The following NDUFS5 variants were observed in gnomAD, a reference collection of about 807,000 sequenced individuals.
NDUFS5 encodes the protein NADH:ubiquinone oxidoreductase subunit S5.
In NDUFS5, 7 loss-of-function variants were observed where a neutral mutation model predicts 10.5. That is an observed-to-expected ratio of 0.66 (90% CI 0.38 to 1.25). The LOEUF (loss-of-function observed/expected upper bound fraction) is 1.25, where lower values mean the gene tolerates loss of function less well. Among genes scored for constraint, NDUFS5 ranks in the 50% most tolerant of loss-of-function variants. The pLI, the probability that NDUFS5 is intolerant of heterozygous loss-of-function variation, is 0.02. For missense variants in NDUFS5, 148 were observed against 140.7 expected (o/e 1.05, Z -0.26); for synonymous variants, 38 against 44.0 (o/e 0.86, Z 0.54).
At chr1:39,029,491 C>T (rs1208582846) in intron 2 of NDUFS5, among the ~76,000 whole-genome samples, 1 of 152,158 alleles carries the variant, frequency 6.6e-6, no homozygotes, top group Non-Finnish European at 1.5e-5. Flanking sequence ...TAGTATTTTA[C>T]CCTGCTTTAG....
intron 2 of NDUFS5, among the ~76,000 whole-genome samples, chr1:39,033,521 T>C (rs759702015): frequency 4.2e-5 from 6 of 142,790 alleles, no homozygotes; most frequent in Non-Finnish European, 9.2e-5. Context: ...TGCAGTGAGC[T>C]GAGATCGTGC....
chr1:39,028,883 GAA>G lies in NDUFS5; in HGVS notation c.161_162del (p.Lys54ArgfsTer7). On this transcript the variant is annotated frameshift_variant, in exon 2 of 3. Transcript: ENST00000372969. LOFTEE classifies it high-confidence loss of function. ...ATGGAATCGGTTATACTCGGGCAGA[GAA>G]AGAGTGCAAGATAGAATATGATGAT... Reference protein sequence around the residue: ...AHGIGYTRAEKECKIEYDDFV... With the variant: ...AHGIGYTRAEXECKIEYDDFV... 1 of 1,614,048 alleles carries G rather than the reference GAA, an allele frequency of 6.2e-7. No individual in the cohort carries two copies. The highest frequency in any genetic ancestry group is 2.2e-5 in the East Asian group (1 of 44,878).
intron 2 of NDUFS5, among the ~76,000 whole-genome samples, chr1:39,029,536 C>T (rs898395074): frequency 6.6e-6 from 1 of 152,130 alleles, no homozygotes; most frequent in Non-Finnish European, 1.5e-5. Context: ...TGTGTATACC[C>T]ATTTTTTCAG....
intron 2 of NDUFS5, 147 bp downstream of exon 2, chr1:39,029,087 G>C (rs564531918): frequency 6.8e-5 from 49 of 716,172 alleles, no homozygotes; most frequent in South Asian, 6.4e-4. Flanking sequence ...CTGCCTCCCA[G>C]GTTCAGGCGA....
At chr1:39,027,177 TCTC>T (rs1644154798) in intron 1 of NDUFS5, among the ~76,000 whole-genome samples, 1 of 152,086 alleles carries the variant, frequency 6.6e-6, no homozygotes, top group Non-Finnish European at 1.5e-5. Context: ...TTCAAGCGAT[TCTC>T]CTCCCTGAGA....
chr1:39,033,624 C>G (rs1557653027), intron 2 of NDUFS5, among the ~76,000 whole-genome samples: 2 of 149,342 alleles, frequency 1.3e-5, no homozygotes, highest in Non-Finnish European at 3.0e-5. Flanking sequence ...GCCTCAGCCT[C>G]CTGAGTAGCT....
rs886647493 is a variant in NDUFS5, at chr1:39,034,477, A to G, written c.302A>G (p.Lys101Arg). ...ACCCCTCCACCTCACCACATTGGCA[A>G]GGGGGAGCCTCGGCCCTGAACAGAG... ...KYTPPPHHIG[K>R]GEPRP The change falls in exon 3 of 3, where the codon AAG becomes AGG. Residue 101 changes from lysine (K) to arginine (R), a missense_variant. Coordinates refer to ENST00000372969, the MANE Select transcript of NDUFS5 (RefSeq NM_004552.3). 3 of 1,613,336 alleles carry G rather than the reference A, an allele frequency of 1.9e-6. No individual in the cohort carries two copies. The African/African-American group carries it at 4.0e-5, about 22-fold the overall frequency.
chr1:39,033,302 G>A (rs936206775), intron 2 of NDUFS5, among the ~76,000 whole-genome samples: 33 of 152,086 alleles, frequency 2.2e-4, no homozygotes, highest in African/African-American at 6.5e-4. Flanking sequence ...TGCCGGGTGC[G>A]GTGGCTCACG....
chr1:39,033,110 A>C (rs947906686), intron 2 of NDUFS5, among the ~76,000 whole-genome samples: 5 of 152,310 alleles, frequency 3.3e-5, no homozygotes, highest in Admixed American at 3.3e-4. Flanking sequence ...TTGAGAAGCA[A>C]CCAATGCCCT....
intron 2 of NDUFS5, among the ~76,000 whole-genome samples, chr1:39,031,240 C>G (rs957239240): frequency 6.6e-6 from 1 of 152,086 alleles, no homozygotes; most frequent in East Asian, 1.9e-4. Flanking sequence ...TCTCAAACTC[C>G]TGGGCTCAAG....
intron 1 of NDUFS5, among the ~76,000 whole-genome samples, chr1:39,028,390 C>G (rs1482759517): frequency 6.6e-6 from 1 of 152,110 alleles, no homozygotes; most frequent in Non-Finnish European, 1.5e-5. Context: ...CAAGATTGCA[C>G]CATGCGCTGC....
Position 39,028,920 on chromosome 1 carries a change from T to G in NDUFS5, c.196T>G (p.Cys66Gly). Residue 66 changes from cysteine (C) to glycine (G), a missense_variant, in exon 2 of 3, where the codon TGT becomes GGT. Coordinates refer to ENST00000372969, the MANE Select transcript of NDUFS5 (RefSeq NM_004552.3). ...CKIEYDDFVE[C>G]LLRQKTMRRA... ...GATAGAATATGATGATTTCGTAGAGTGTTTGCTTCGGCAGAAAACGGTAAG... is the reference window on the plus strand; with the variant it reads ...GATAGAATATGATGATTTCGTAGAGGGTTTGCTTCGGCAGAAAACGGTAAG... 6.2e-7 allele frequency: 1 copy of G among 1,613,272 alleles called. No individual in the cohort carries two copies. Among genetic ancestry groups the G allele is most frequent in the Non-Finnish European group, 8.5e-7 (1 of 1,179,722 alleles).
At chr1:39,033,900 A>C (rs1043007351) in intron 2 of NDUFS5, among the ~76,000 whole-genome samples, 3 of 151,730 alleles carry the variant, frequency 2.0e-5, no homozygotes, top group African/African-American at 7.3e-5. Flanking sequence ...TCCCAAGTTC[A>C]AGCAATTCTC....
At position 39,026,357 on chromosome 1, in the gene NDUFS5, C is replaced by T. The variant is rs1305871837; in HGVS notation, c.-48C>T. On this transcript the variant is annotated 5_prime_UTR_variant, in exon 1 of 3. Transcript: ENST00000372969. ...GCGTCCGCGTCGCTAGCTAGTCGTT[C>T]TGAAGCGGCGGCCAGAGAAGAGTCA... 1 of 152,192 alleles carries T rather than the reference C, an allele frequency of 6.6e-6. No individual in the cohort carries two copies. Among genetic ancestry groups the T allele is most frequent in the African/African-American group, 2.4e-5 (1 of 41,448 alleles). The allele number at this position is 152,192 out of a possible 1,614,324, so 9.4% of individuals were successfully genotyped here.
chr1:39,027,530 A>G (rs1229133704), intron 1 of NDUFS5, among the ~76,000 whole-genome samples: 2 of 143,810 alleles, frequency 1.4e-5, no homozygotes, highest in South Asian at 2.2e-4. Context: ...TTTTTTCCCT[A>G]CTGTCTGTAA....
intron 2 of NDUFS5, among the ~76,000 whole-genome samples, chr1:39,031,859 A>G (rs997758253): frequency 4.6e-5 from 7 of 152,152 alleles, no homozygotes; most frequent in African/African-American, 1.2e-4. Flanking sequence ...TCTCACAACA[A>G]TCCTATGAGA....
At chr1:39,027,252 A>T (rs1231493298) in intron 1 of NDUFS5, among the ~76,000 whole-genome samples, 1 of 151,820 alleles carries the variant, frequency 6.6e-6, no homozygotes, top group Non-Finnish European at 1.5e-5. Flanking sequence ...GTATTTTTTT[A>T]GTAGAGAGAG....
intron 2 of NDUFS5, among the ~76,000 whole-genome samples, chr1:39,030,524 G>A (rs575101153): frequency 1.3e-5 from 2 of 152,138 alleles, no homozygotes; most frequent in East Asian, 3.9e-4. Flanking sequence ...GACCAACATG[G>A]TGAAACCCCG....
rs150184656 is a variant in NDUFS5 at position 39,032,546 on chromosome 1, A to T, written c.217-1846A>T. Among the ~76,000 whole-genome samples the T allele has an allele frequency of 2.8e-3, 431 of 152,226 alleles. 2 individuals carry two copies. The highest frequency in any genetic ancestry group is 0.01 in the African/African-American group (421 of 41,538). ...CTTTGTGAAAAGTTAGTCATTGGTT[A>T]AAAAAATTATGTCAGAAACTAGTCT... On this transcript the variant is annotated intron_variant, in intron 2 of 2. Coordinates refer to ENST00000372969, the MANE Select transcript of NDUFS5 (RefSeq NM_004552.3).
Sources: gnomAD v4.1 joint callset for allele counts (sites outside exome capture counted in the v4.1 genomes callset) on GRCh38, gnomAD v4.1.1 for gene constraint, MANE v1.5 for transcripts, NCBI Gene and HGNC (gene_info 2026-07-23, HGNC 2026-07-21) for gene names.